PRKN: variants seen among roughly 807,000 people sequenced by gnomAD.
PRKN encodes E3 ubiquitin-protein ligase parkin.
A neutral mutation model predicts 59.5 loss-of-function variants in PRKN; 56 were observed. The observed-to-expected ratio is 0.94, with a 90% confidence interval of 0.76 to 1.18. The LOEUF is 1.18. Among genes scored for constraint, PRKN ranks in the 50% most tolerant of loss-of-function variants. The pLI is 0.00. For missense variants in PRKN, 657 were observed against 596.4 expected, an observed-to-expected ratio of 1.10 and a Z score of -1.06; for synonymous variants, 250 against 222.1, an observed-to-expected ratio of 1.13 and a Z score of -1.12.
At chr6:161,736,266 G>C (rs1450863501) in intron 7 of PRKN, among the ~76,000 whole-genome samples, 1 of 152,208 alleles carries the variant, frequency 6.6e-6, no homozygotes, top group East Asian at 1.9e-4. Context: ...CTTCTGTGGA[G>C]ATCCTCCCTG....
At chr6:162,431,757 G>A (rs1459234717) in intron 2 of PRKN, among the ~76,000 whole-genome samples, 1 of 151,956 alleles carries the variant, frequency 6.6e-6, no homozygotes, top group African/African-American at 2.4e-5. Flanking sequence ...CTCCACCAGA[G>A]GCAAGAATTA....
At chr6:161,865,380 T>C (rs1794072055) in intron 6 of PRKN, among the ~76,000 whole-genome samples, 1 of 152,176 alleles carries the variant, frequency 6.6e-6, no homozygotes, top group Non-Finnish European at 1.5e-5. Context: ...CCAGCTGCAT[T>C]AGCCCCTAAC....
intron 1 of PRKN, among the ~76,000 whole-genome samples, chr6:162,574,167 T>C (rs964299015): frequency 2.6e-5 from 4 of 151,914 alleles, no homozygotes; most frequent in African/African-American, 7.3e-5. Flanking sequence ...TGCAGCTGGG[T>C]CTCCAGGCTT....
chr6:162,397,578 C>T (rs1421766500), intron 2 of PRKN, among the ~76,000 whole-genome samples: 1 of 152,062 alleles, frequency 6.6e-6, no homozygotes, highest in Non-Finnish European at 1.5e-5. Flanking sequence ...ACAGGGACAA[C>T]TATAATAAAT....
chr6:162,622,565 C>T (rs563911086), intron 1 of PRKN, among the ~76,000 whole-genome samples: 1 of 152,324 alleles, frequency 6.6e-6, no homozygotes, highest in South Asian at 2.1e-4. Context: ...CATGAATCTT[C>T]TGGTATCGGT....
intron 7 of PRKN, among the ~76,000 whole-genome samples, chr6:161,599,239 C>G (rs866698566): frequency 6.6e-6 from 1 of 152,104 alleles, no homozygotes; most frequent in Non-Finnish European, 1.5e-5. Context: ...TTTTTGGCAG[C>G]CCTAGGAAAC....
intron 6 of PRKN, among the ~76,000 whole-genome samples, chr6:161,847,716 A>G (rs1291946416): frequency 6.6e-6 from 1 of 152,206 alleles, no homozygotes; most frequent in East Asian, 1.9e-4. Context: ...GAAGATTTTC[A>G]AAATTAATTG....
chr6:161,736,434 T>A lies in PRKN; in HGVS notation c.871+49338A>T, dbSNP rs114593906. Among the ~76,000 whole-genome samples the A allele has an allele frequency of 4.5e-3, 682 of 152,322 alleles. 7 individuals carry two copies. Among genetic ancestry groups the A allele is most frequent in the African/African-American group, 0.016 (645 of 41,570 alleles). ...GAACACATACTTAGGACTGCAGTTG[T>A]TCAGTGGCTAATCGGTTGTGGAAGC... On this transcript the variant is annotated intron_variant, in intron 7 of 11. Transcript: ENST00000366898.
chr6:161,614,814 C>G (rs778670828), intron 7 of PRKN, among the ~76,000 whole-genome samples: 2 of 152,244 alleles, frequency 1.3e-5, no homozygotes, highest in African/African-American at 4.8e-5. Flanking sequence ...CTTTCCCCCA[C>G]CCTTAATCAA....
intron 6 of PRKN, among the ~76,000 whole-genome samples, chr6:161,914,212 TTATCAGAATAAGGTAG>T (rs1298188026): frequency 6.6e-6 from 1 of 152,216 alleles, no homozygotes; most frequent in African/African-American, 2.4e-5. Flanking sequence ...GTAAAGCTTT[TTATCAGAATAAGGTAG>T]TATTATATAT....
chr6:162,051,488 C>T (rs1039380284), intron 5 of PRKN, among the ~76,000 whole-genome samples: 1 of 152,182 alleles, frequency 6.6e-6, no homozygotes, highest in South Asian at 2.1e-4. Context: ...CTGCTGTGCA[C>T]GCGCCTCCGC....
Position 162,302,034 on chromosome 6 carries a change from TA to T in PRKN, c.172-39270del, listed in dbSNP as rs1781984200. Among the ~76,000 whole-genome samples, 3 of 152,296 alleles carry T rather than the reference TA, an allele frequency of 2.0e-5. 1 individual carries two copies. The South Asian group carries it at 6.2e-4, about 32-fold the overall frequency. ...ATTTTCTTTTCTCGTGTCCTTGCAT[TA>T]ATCAATGGTTTGATTTGGTTTGAAC... On this transcript the variant is annotated intron_variant, in intron 2 of 11. Coordinates refer to ENST00000366898, the MANE Select transcript of PRKN (RefSeq NM_004562.3).
chr6:162,223,331 A>G (rs1778017006), intron 3 of PRKN, among the ~76,000 whole-genome samples: 2 of 151,966 alleles, frequency 1.3e-5, no homozygotes, highest in Non-Finnish European at 1.5e-5. Flanking sequence ...GCACTTTAAG[A>G]ATTTCATGTG....
intron 3 of PRKN, among the ~76,000 whole-genome samples, chr6:162,206,414 G>A (rs930137873): frequency 3.3e-5 from 5 of 152,102 alleles, no homozygotes; most frequent in African/African-American, 1.2e-4. Context: ...AGGAGCTGCT[G>A]GCATGAGGCG....
intron 1 of PRKN, among the ~76,000 whole-genome samples, chr6:162,640,567 C>A (rs1221984323): frequency 2.0e-5 from 3 of 152,168 alleles, no homozygotes; most frequent in Non-Finnish European, 4.4e-5. Context: ...CCAACAACAG[C>A]AACATATCTA....
intron 1 of PRKN, among the ~76,000 whole-genome samples, chr6:162,446,924 A>G (rs1305206065): frequency 6.6e-6 from 1 of 152,210 alleles, no homozygotes; most frequent in East Asian, 1.9e-4. Context: ...CACAGAAGGC[A>G]GAACGTCTTT....
intron 2 of PRKN, among the ~76,000 whole-genome samples, chr6:162,400,664 G>A (rs1174548302): frequency 6.6e-6 from 1 of 152,054 alleles, no homozygotes; most frequent in Non-Finnish European, 1.5e-5. Context: ...ACTTTGTCCT[G>A]ACTGTAAAAC....
intron 1 of PRKN, among the ~76,000 whole-genome samples, chr6:162,685,806 AGCAGACCCTCCCCT>A (rs1296307387): frequency 6.6e-6 from 1 of 152,156 alleles, no homozygotes; most frequent in Non-Finnish European, 1.5e-5. Context: ...ATTTTTGGCC[AGCAGACCCTCCCCT>A]GCCATAATTT....
At chr6:162,071,257 C>T (rs1179221564) in intron 4 of PRKN, among the ~76,000 whole-genome samples, 1 of 150,658 alleles carries the variant, frequency 6.6e-6, no homozygotes, top group African/African-American at 2.4e-5. Flanking sequence ...AAACACCTTC[C>T]TAGTAGATCA....
Sources: allele counts gnomAD v4.1 joint callset (sites outside exome capture counted in the v4.1 genomes callset), GRCh38; gene constraint gnomAD v4.1.1; transcripts MANE v1.5; gene names NCBI Gene and HGNC (gene_info 2026-07-23, HGNC 2026-07-21).